MANBAL: variants seen among roughly 807,000 people sequenced by gnomAD.
MANBAL encodes the protein mannosidase beta like.
A neutral mutation model predicts 6.4 loss-of-function variants in MANBAL; 1 was observed. The ratio of observed to expected loss-of-function variants is 0.16; its 90% CI spans 0.06 to 0.74. The LOEUF (loss-of-function observed/expected upper bound fraction) is 0.74. MANBAL is among the 30% of genes least tolerant of loss of function. The pLI is 0.78. For missense variants in MANBAL, 100 were observed against 107.8 expected (o/e 0.93, Z 0.32); for synonymous variants, 47 against 45.8 (o/e 1.03, Z -0.10).
intron 2 of MANBAL, among the ~76,000 whole-genome samples, chr20:37,311,779 G>C (rs181132231): frequency 6.6e-6 from 1 of 152,236 alleles, no homozygotes; most frequent in Non-Finnish European, 1.5e-5. Flanking sequence ...GAGCCACCGC[G>C]CCCGGCCTGT....
chr20:37,301,404 C>G lies in MANBAL; in HGVS notation c.141C>G (p.Ser47=). The G allele has an allele frequency of 1.9e-6, 3 of 1,611,564 alleles. No individual in the cohort carries two copies. Among genetic ancestry groups the G allele is most frequent in the Non-Finnish European group, 2.5e-6 (3 of 1,178,426 alleles). ...CCATCATCGTACCCATTCCCAAGTC[C>G]CACGAGGCGGTGAGTTTTTCCCTGG... ...VLAIIVPIPK[S]HEAEAEPSEP... is the part of the protein sequence containing the mutation. The change falls in exon 2 of 3, where the codon TCC becomes TCG. Residue 47 remains serine (S), a synonymous_variant. Coordinates refer to ENST00000373606, the MANE Select transcript of MANBAL (RefSeq NM_001003897.2).
chr20:37,307,736 G>A (rs368708156), intron 2 of MANBAL, among the ~76,000 whole-genome samples: 117 of 149,314 alleles, frequency 7.8e-4, no homozygotes, highest in African/African-American at 2.7e-3. Context: ...CAGCCTGGGC[G>A]ACAGAGCGAG....
rs767486616 is a variant in MANBAL, at chr20:37,301,428, G to C, written c.150+15G>C. On this transcript the variant is annotated intron_variant, in intron 2 of 2. Coordinates refer to ENST00000373606, the MANE Select transcript of MANBAL (RefSeq NM_001003897.2). ...CCCACGAGGCGGTGAGTTTTTCCCT[G>C]GGAGCCTCAGCTCCTCTGAGTGCCA... 11 of 1,607,604 alleles carry C rather than the reference G, an allele frequency of 6.8e-6. No homozygotes were observed. In the South Asian group the frequency reaches 1.2e-4, roughly 18 times the overall value.
At chr20:37,302,006 G>A (rs753252311) in intron 2 of MANBAL, among the ~76,000 whole-genome samples, 16 of 152,238 alleles carry the variant, frequency 1.1e-4, no homozygotes, top group Admixed American at 5.9e-4. Flanking sequence ...GCAGCCAGAG[G>A]TGTGGGCAGG....
rs1273226220 is a variant in MANBAL at position 37,316,207 on chromosome 20, G to A, written c.151-101G>A. 18 of 1,075,302 alleles carry A rather than the reference G, an allele frequency of 1.7e-5. No homozygotes were observed. The East Asian group carries it at 4.6e-4, about 27-fold the overall frequency. 66.6% of individuals were successfully genotyped at this position (1,075,302 alleles called of 1,614,324 possible). A position where few individuals can be genotyped will look rare whatever the true frequency, so the allele number is the denominator to read the frequency against. Reference sequence around the variant, plus strand: ...CCGGGAATGACAGTTTCCATCTCTTGTGTTTCTGTGGCATGCTTCTTTGCT... The same window carrying A: ...CCGGGAATGACAGTTTCCATCTCTTATGTTTCTGTGGCATGCTTCTTTGCT... On this transcript the variant is annotated intron_variant, in intron 2 of 2. Transcript: ENST00000373606.
At position 37,301,234 on chromosome 20, in the gene MANBAL, A is replaced by G. The variant is rs2069126724; in HGVS notation, c.-30A>G. ...TGGTTCTAAAGAGTGGTGAGTCAGA[A>G]GAGACGTCAGGCAGCAAGCGACTTG... is the stretch of plus-strand genomic sequence containing the variant. On this transcript the variant is annotated 5_prime_UTR_variant, in exon 2 of 3. Coordinates refer to ENST00000373606, the MANE Select transcript of MANBAL (RefSeq NM_001003897.2). 1.9e-6 allele frequency: 3 copies of G among 1,556,272 alleles called. 1 individual carries two copies. Among genetic ancestry groups the G allele is most frequent in the Admixed American group, 3.7e-5 (2 of 54,616 alleles).
intron 2 of MANBAL, among the ~76,000 whole-genome samples, chr20:37,314,161 A>G (rs1204617239): frequency 1.8e-4 from 28 of 152,258 alleles, no homozygotes; most frequent in Admixed American, 1.8e-3. Flanking sequence ...CAGAATCAAG[A>G]GGTAGAGGGG....
intron 2 of MANBAL, among the ~76,000 whole-genome samples, chr20:37,307,019 A>G (rs567688906): frequency 1.3e-5 from 2 of 152,216 alleles, no homozygotes; most frequent in Non-Finnish European, 2.9e-5. Context: ...GCTGGAGTGC[A>G]GTGGCACAAT....
intron 1 of MANBAL, 27 bp from the exon 2 acceptor site, chr20:37,301,181 A>G: frequency 8.3e-7 from 1 of 1,210,300 alleles, no homozygotes; most frequent in African/African-American, 1.6e-5. Flanking sequence ...TTACAGAAAT[A>G]TGACACTGAC....
intron 1 of MANBAL, among the ~76,000 whole-genome samples, chr20:37,298,471 T>C (rs761390763): frequency 6.6e-6 from 1 of 152,220 alleles, no homozygotes; most frequent in Non-Finnish European, 1.5e-5. Flanking sequence ...GTACCTCATA[T>C]AAGGGGACTC....
chr20:37,292,318 T>A (rs369881791), intron 1 of MANBAL, among the ~76,000 whole-genome samples: 21 of 152,346 alleles, frequency 1.4e-4, no homozygotes, highest in African/African-American at 4.8e-4. Context: ...TTGTTTTGTT[T>A]TGAGACAGGG....
At chr20:37,313,737 G>C (rs966839502) in intron 2 of MANBAL, among the ~76,000 whole-genome samples, 74 of 152,290 alleles carry the variant, frequency 4.9e-4, no homozygotes, top group African/African-American at 1.8e-3. Context: ...AGGTTCCTGG[G>C]TGCCTAGGGG....
intron 1 of MANBAL, among the ~76,000 whole-genome samples, chr20:37,296,078 AC>A (rs2068989191): frequency 1.3e-5 from 2 of 152,216 alleles, no homozygotes; most frequent in African/African-American, 4.8e-5. Flanking sequence ...CCAGTAGGGA[AC>A]CTTTGGCCAC....
chr20:37,302,259 CCCTGTGTTT>C, intron 2 of MANBAL: 1 of 1,550,526 alleles, frequency 6.4e-7, no homozygotes, highest in Non-Finnish European at 8.7e-7. Flanking sequence ...TTTCTCTGTT[CCCTGTGTTT>C]CCTGTCAACA....
intron 1 of MANBAL, among the ~76,000 whole-genome samples, chr20:37,292,303 T>C (rs1448726201): frequency 1.3e-5 from 2 of 152,196 alleles, no homozygotes; most frequent in Admixed American, 6.5e-5. Flanking sequence ...TGTGAACTCA[T>C]GGATTTGTTT....
intron 1 of MANBAL, among the ~76,000 whole-genome samples, chr20:37,299,077 G>A (rs1040944346): frequency 6.7e-6 from 1 of 149,500 alleles, no homozygotes; most frequent in African/African-American, 2.5e-5. Context: ...GTGGCAGGGT[G>A]GGGTGGGGGC....
chr20:37,296,438 A>G (rs1012482416), intron 1 of MANBAL, among the ~76,000 whole-genome samples: 6 of 152,212 alleles, frequency 3.9e-5, no homozygotes, highest in Admixed American at 2.0e-4. Context: ...GGTTCCAATC[A>G]TAGTGTTTAT....
intron 2 of MANBAL, among the ~76,000 whole-genome samples, chr20:37,312,028 T>C (rs2069401573): frequency 6.6e-6 from 1 of 152,114 alleles, no homozygotes; most frequent in African/African-American, 2.4e-5. Flanking sequence ...TGAGAACTCA[T>C]AAATGACTTG....
intron 2 of MANBAL, among the ~76,000 whole-genome samples, chr20:37,304,150 A>G (rs2069204702): frequency 6.6e-6 from 1 of 152,216 alleles, no homozygotes; most frequent in Non-Finnish European, 1.5e-5. Flanking sequence ...TTTTGGCCTT[A>G]AAATATGTCT....
Sources: gnomAD v4.1 joint callset for allele counts (sites outside exome capture counted in the v4.1 genomes callset) on GRCh38, gnomAD v4.1.1 for gene constraint, MANE v1.5 for transcripts, NCBI Gene and HGNC (gene_info 2026-07-23, HGNC 2026-07-21) for gene names.